ADAMTS20: variants seen among roughly 807,000 people sequenced by gnomAD.
The protein encoded by ADAMTS20 is ADAM metallopeptidase with thrombospondin type 1 motif 20.
A neutral mutation model predicts 260.1 loss-of-function variants in ADAMTS20; 225 were observed. The observed-to-expected ratio is 0.87, with a 90% CI of 0.78 to 0.97. The LOEUF is 0.97. ADAMTS20 is among the 50% of genes least tolerant of loss of function. The probability of loss-of-function intolerance (pLI) is 0.00; values close to 1 mark genes in which losing one functional copy is unlikely to be tolerated. For missense variants in ADAMTS20, 2,400 were observed against 2,337.7 expected (o/e 1.03, Z -0.55); for synonymous variants, 802 against 769.5 (o/e 1.04, Z -0.70).
At chr12:43,453,520 G>A (rs1941908231) in intron 12 of ADAMTS20, among the ~76,000 whole-genome samples, 1 of 151,918 alleles carries the variant, frequency 6.6e-6, no homozygotes, top group Admixed American at 6.6e-5. Context: ...GTAAAAAATT[G>A]GTAACCAAAC....
chr12:43,505,918 A>G (rs886418496), intron 3 of ADAMTS20, among the ~76,000 whole-genome samples: 1 of 152,232 alleles, frequency 6.6e-6, no homozygotes, highest in African/African-American at 2.4e-5. Context: ...AAAGGAATGA[A>G]TAAACAAAAT....
intron 11 of ADAMTS20, among the ~76,000 whole-genome samples, chr12:43,459,107 T>C (rs1307092258): frequency 6.6e-6 from 1 of 152,156 alleles, no homozygotes; most frequent in Non-Finnish European, 1.5e-5. Flanking sequence ...CTCTATTAAA[T>C]CTTGCAGCTG....
At chr12:43,460,977 TA>T (rs1476120206) in intron 11 of ADAMTS20, among the ~76,000 whole-genome samples, 1 of 52,056 alleles carries the variant, frequency 1.9e-5, no homozygotes, top group Non-Finnish European at 3.8e-5. Flanking sequence ...TATATATATA[TA>T]TATATATATA....
chr12:43,455,111 A>T (rs960911709), intron 11 of ADAMTS20, among the ~76,000 whole-genome samples: 17 of 152,232 alleles, frequency 1.1e-4, no homozygotes, highest in African/African-American at 4.1e-4. Flanking sequence ...TATGAATTTG[A>T]CTACTCCAGA....
intron 2 of ADAMTS20, among the ~76,000 whole-genome samples, chr12:43,550,683 A>G (rs923965484): frequency 9.2e-5 from 14 of 152,276 alleles, no homozygotes; most frequent in Non-Finnish European, 1.8e-4. Flanking sequence ...AGCATCTTTC[A>G]TCAGCGTTGC....
intron 11 of ADAMTS20, among the ~76,000 whole-genome samples, chr12:43,461,813 T>C (rs1942070130): frequency 6.6e-6 from 1 of 152,108 alleles, no homozygotes; most frequent in Non-Finnish European, 1.5e-5. Flanking sequence ...ATAACTCTTA[T>C]CCACCAAACA....
chr12:43,368,483 T>A (rs576227167), intron 37 of ADAMTS20, among the ~76,000 whole-genome samples: 1 of 152,232 alleles, frequency 6.6e-6, no homozygotes, highest in Non-Finnish European at 1.5e-5. Context: ...CTCTTCCTAA[T>A]ATAAGCGTAA....
Position 43,375,405 on chromosome 12 carries a change from A to G in ADAMTS20, c.5420T>C (p.Ile1807Thr), listed in dbSNP as rs1246401334. The G allele has an allele frequency of 1.2e-6, 2 of 1,613,746 alleles. No homozygotes were observed. The highest frequency in any genetic ancestry group is 2.2e-5 in the East Asian group (1 of 44,840). The change falls in exon 36 of 39, where the codon ATT (isoleucine) becomes ACT (threonine). Residue 1807 changes from isoleucine (I) to threonine (T), a missense_variant. Ile to Thr is a moderately conservative substitution (Grantham distance 89). Transcript: ENST00000389420. ...AGYTVFSKIR[I>T]DLTSMQIKTT... ...TTTAATTTGCATGGAAGTGAGATCA[A>G]TTCTTATTTTGCTGAAAACAGTGTA...
chr12:43,373,969 G>A (rs948638225), intron 36 of ADAMTS20, among the ~76,000 whole-genome samples: 20 of 151,958 alleles, frequency 1.3e-4, no homozygotes, highest in Non-Finnish European at 2.6e-4. Flanking sequence ...GTGAGTCACC[G>A]CGCCCGGCCG....
intron 36 of ADAMTS20, among the ~76,000 whole-genome samples, chr12:43,373,918 A>G (rs957162519): frequency 6.6e-6 from 1 of 151,786 alleles, no homozygotes; most frequent in African/African-American, 2.4e-5. Flanking sequence ...TGACCTCGTG[A>G]TCCGCCCGCC....
intron 14 of ADAMTS20, among the ~76,000 whole-genome samples, chr12:43,447,928 C>T (rs11182078): frequency 0.33 from 50,778 of 151,840 alleles, 9,038 homozygotes; most frequent in East Asian, 0.75. Context: ...GGAATACAGC[C>T]AACCAGGGAG....
chr12:43,428,579 T>C (rs1361441488), intron 25 of ADAMTS20, 48 bp from the exon 26 acceptor site: 3 of 1,484,196 alleles, frequency 2.0e-6, no homozygotes, highest in African/African-American at 1.4e-5. Context: ...AATTTATATT[T>C]AATATCAAAT....
chr12:43,380,077 A>G (rs1045593000), intron 31 of ADAMTS20, among the ~76,000 whole-genome samples: 1 of 152,194 alleles, frequency 6.6e-6, no homozygotes, highest in African/African-American at 2.4e-5. Context: ...GCAACACATA[A>G]AAAGGATTAT....
intron 3 of ADAMTS20, among the ~76,000 whole-genome samples, chr12:43,529,321 G>T (rs773330379): frequency 2.6e-5 from 4 of 152,068 alleles, no homozygotes; most frequent in Admixed American, 6.6e-5. Flanking sequence ...CAATGGAAAA[G>T]AAATCATTAT....
chr12:43,392,942 A>C (rs1440578578), intron 29 of ADAMTS20, among the ~76,000 whole-genome samples: 1 of 152,054 alleles, frequency 6.6e-6, no homozygotes, highest in Admixed American at 6.6e-5. Flanking sequence ...GTAATTTCTA[A>C]ATGTTATCTC....
At chr12:43,543,183 G>A (rs1323431558) in intron 2 of ADAMTS20, among the ~76,000 whole-genome samples, 1 of 152,082 alleles carries the variant, frequency 6.6e-6, no homozygotes, top group Non-Finnish European at 1.5e-5. Context: ...GTGGGGGGGT[G>A]TGCCTGTAGT....
At chr12:43,478,435 C>A (rs546403774) in intron 7 of ADAMTS20, among the ~76,000 whole-genome samples, 1 of 151,514 alleles carries the variant, frequency 6.6e-6, no homozygotes, top group Non-Finnish European at 1.5e-5. Flanking sequence ...TAGAATCCCA[C>A]GGTGAAAACA....
At chr12:43,392,694 C>T (rs1940620598) in intron 29 of ADAMTS20, among the ~76,000 whole-genome samples, 1 of 152,046 alleles carries the variant, frequency 6.6e-6, no homozygotes, top group Non-Finnish European at 1.5e-5. Context: ...CAAATCTTTT[C>T]TTAGTTAATC....
intron 7 of ADAMTS20, among the ~76,000 whole-genome samples, chr12:43,483,585 TG>T (rs1455818914): frequency 6.6e-6 from 1 of 152,156 alleles, no homozygotes; most frequent in African/African-American, 2.4e-5. Context: ...CCTCTCTAAA[TG>T]GAACATCAGC....
Sources: allele counts gnomAD v4.1 joint callset (sites outside exome capture counted in the v4.1 genomes callset), GRCh38; gene constraint gnomAD v4.1.1; transcripts MANE v1.5; gene names NCBI Gene and HGNC (gene_info 2026-07-23, HGNC 2026-07-21).